AHRR: variants seen among roughly 807,000 people sequenced by gnomAD.
The protein encoded by AHRR is ahR repressor.
AHRR carries 28 observed loss-of-function variants against 44.0 expected under a neutral mutation model. That is an observed-to-expected ratio of 0.64 (90% CI 0.47 to 0.87). The LOEUF is 0.87. Among genes scored for constraint, AHRR ranks in the 40% least tolerant of loss-of-function variants. The pLI, the probability that AHRR is intolerant of heterozygous loss-of-function variation, is 0.00. For missense variants in AHRR, 990 were observed against 953.9 expected (o/e 1.04, Z -0.50); for synonymous variants, 434 against 407.0 (o/e 1.07, Z -0.80).
intron 3 of AHRR, among the ~76,000 whole-genome samples, chr5:373,852 G>A (rs963085929): frequency 2.0e-5 from 3 of 150,526 alleles, no homozygotes; most frequent in African/African-American, 7.3e-5. Context: ...CCGGGCGGGC[G>A]GGGGCGGGAG....
intron 5 of AHRR, among the ~76,000 whole-genome samples, chr5:414,509 C>G (rs901685333): frequency 1.3e-5 from 2 of 152,092 alleles, no homozygotes; most frequent in Non-Finnish European, 2.9e-5. Flanking sequence ...CTTCCACAAG[C>G]CACTCCCACA....
chr5:371,307 A>G (rs1330811008), intron 3 of AHRR, among the ~76,000 whole-genome samples: 2 of 152,270 alleles, frequency 1.3e-5, no homozygotes, highest in African/African-American at 4.8e-5. Context: ...TAATCGCAGC[A>G]CCCAGTGCTG....
rs779190138 is a variant in AHRR, at chr5:434,608, A to T, written c.1868A>T (p.Asp623Val). ...PAHCACLEPT[D>V]GLPQSEPPHQ... ...CACTGTGCCTGCCTGGAGCCCACAG[A>T]CGGCCTTCCCCAGTCGGAGCCTCCC... Residue 623 changes from aspartate (D) to valine (V), a missense_variant, in exon 11 of 11, where the codon GAC becomes GTC. By Grantham distance (152) the Asp-to-Val change is radical (BLOSUM62 -3). Coordinates refer to ENST00000684583, the MANE Select transcript of AHRR (RefSeq NM_001377236.1). 1 of 1,564,620 alleles carries T rather than the reference A, an allele frequency of 6.4e-7. No homozygotes were observed. The highest frequency in any genetic ancestry group is 1.2e-5 in the South Asian group (1 of 85,652).
intron 2 of AHRR, among the ~76,000 whole-genome samples, chr5:345,216 GTC>G (rs1226849093): frequency 1.9e-5 from 2 of 105,270 alleles, no homozygotes; most frequent in Non-Finnish European, 4.1e-5. Flanking sequence ...GTGTGTGTGT[GTC>G]GGATGATGTC....
intron 3 of AHRR, among the ~76,000 whole-genome samples, chr5:368,878 A>G (rs1743466858): frequency 6.6e-6 from 1 of 152,192 alleles, no homozygotes; most frequent in African/African-American, 2.4e-5. Flanking sequence ...GAAGTGTGAA[A>G]TCTCTGAAGC....
In AHRR at chr5:404,422, C is replaced by T. The variant is rs891406023; in HGVS notation, c.352-8922C>T. 1 of 538,132 alleles carries T rather than the reference C, an allele frequency of 1.9e-6. No homozygotes were observed. Among genetic ancestry groups the T allele is most frequent in the Admixed American group, 2.0e-5 (1 of 50,912 alleles). 33.3% of individuals were successfully genotyped at this position (538,132 alleles called of 1,614,324 possible). On this transcript the variant is annotated intron_variant, in intron 4 of 10. Coordinates refer to ENST00000684583, the MANE Select transcript of AHRR (RefSeq NM_001377236.1). This position sits in a 1 kb window ranked among gnomAD's most constrained non-coding sequence, Gnocchi z 4.1. ...TGATTTAGGAAGGAGAGTCTTGGGG[C>T]AGAAGCAACAGGGGACCACTGTGCT...
chr5:373,972 G>A (rs1057063852), intron 3 of AHRR, among the ~76,000 whole-genome samples: 15 of 151,796 alleles, frequency 9.9e-5, no homozygotes, highest in Admixed American at 2.0e-4. Flanking sequence ...GCGATGCCGG[G>A]AGGGGCGCGC....
chr5:433,952 G>C lies in AHRR; in HGVS notation c.1212G>C (p.Ala404=). The change falls in exon 11 of 11, where the codon GCG becomes GCC. Residue 404 remains alanine, a synonymous_variant. Transcript: ENST00000684583. The part of the protein sequence containing the change: ...PGPTKPLPWT[A]GKHSEDGARP... ...CCACAAAGCCCCTGCCCTGGACAGC[G>C]GGAAAGCACAGTGAGGATGGTGCCA... 1 of 1,551,670 alleles carries C rather than the reference G, an allele frequency of 6.4e-7. No homozygotes were observed. Among genetic ancestry groups the C allele is most frequent in the Non-Finnish European group, 8.7e-7 (1 of 1,148,470 alleles).
chr5:418,243 C>T (rs898259112), intron 5 of AHRR, among the ~76,000 whole-genome samples: 5 of 152,146 alleles, frequency 3.3e-5, no homozygotes, highest in Non-Finnish European at 2.9e-5. Flanking sequence ...TGTTTTTGTA[C>T]GGTTTGGATA....
At chr5:373,915 CTGCGG>C (rs1743673872) in intron 3 of AHRR, among the ~76,000 whole-genome samples, 4 of 150,982 alleles carry the variant, frequency 2.6e-5, no homozygotes, top group African/African-American at 9.7e-5. Flanking sequence ...GCGCCGGCGG[CTGCGG>C]GGGAAGTAGG....
At position 404,299 on chromosome 5, in the gene AHRR, C is replaced by T; in HGVS notation, c.352-9045C>T. The T allele has an allele frequency of 2.0e-6, 1 of 490,612 alleles. No homozygotes were observed. Among genetic ancestry groups the T allele is most frequent in the Admixed American group, 2.4e-5 (1 of 42,040 alleles). The allele number at this position is 490,612 out of a possible 1,614,324, so 30.4% of individuals were successfully genotyped here. A position where few individuals can be genotyped will look rare whatever the true frequency, so the allele number is the denominator to read the frequency against. On this transcript the variant is annotated intron_variant, in intron 4 of 10. Coordinates refer to ENST00000684583, the MANE Select transcript of AHRR (RefSeq NM_001377236.1). The surrounding 1 kb of genome is among the most constrained non-coding windows in gnomAD (Gnocchi z 4.1). Reference sequence around the variant, plus strand: ...TCTCATCAAACATGTGAATAATTCGCTAATTTTTCTTCCAGTGTTACTAAA... The same window carrying T: ...TCTCATCAAACATGTGAATAATTCGTTAATTTTTCTTCCAGTGTTACTAAA...
intron 5 of AHRR, 123 bp downstream of exon 5, chr5:413,556 T>G: frequency 8.3e-6 from 6 of 720,386 alleles, no homozygotes; most frequent in Non-Finnish European, 1.4e-5. Context: ...ACTGAGCTCT[T>G]ATCAGATAAA....
chr5:353,916 G>C lies in AHRR; in HGVS notation c.244+5G>C, dbSNP rs553748816. The C allele has an allele frequency of 6.2e-6, 10 of 1,610,982 alleles. No individual in the cohort carries two copies. Among genetic ancestry groups the C allele is most frequent in the African/African-American group, 2.7e-5 (2 of 74,936 alleles). On this transcript the variant is annotated splice_donor_5th_base_variant and intron_variant, in intron 3 of 10. Transcript: ENST00000684583. Reference sequence around the variant, plus strand: ...GGGTGAAGAGCTTCTTCCAAGGTAGGACTCTCACCTGCTCCCACCTGTTCA... The same window carrying C: ...GGGTGAAGAGCTTCTTCCAAGGTAGCACTCTCACCTGCTCCCACCTGTTCA...
At chr5:322,270 G>A (rs1428009840) in intron 1 of AHRR, among the ~76,000 whole-genome samples, 3 of 152,284 alleles carry the variant, frequency 2.0e-5, no homozygotes, top group East Asian at 3.9e-4. Flanking sequence ...CTTATTTTGA[G>A]CGGCCAGAAT....
intron 1 of AHRR, among the ~76,000 whole-genome samples, chr5:340,007 T>C (rs1742274514): frequency 6.6e-6 from 1 of 152,224 alleles, no homozygotes; most frequent in Non-Finnish European, 1.5e-5. Flanking sequence ...GGTCTTTAGT[T>C]TTCTTTTCGT....
Position 359,681 on chromosome 5 carries a change from C to T in AHRR, c.244+5770C>T, listed in dbSNP as rs568190191. ...CTTGTTCCTTTGCATCCACCGTGCT[C>T]CACTGTGGGGCCTGAACACACACCT... On this transcript the variant is annotated intron_variant, in intron 3 of 10. Transcript: ENST00000684583. Among the ~76,000 whole-genome samples, 16 of 152,272 alleles carry T rather than the reference C, an allele frequency of 1.1e-4. No homozygotes were observed. The South Asian group carries it at 3.3e-3, about 32-fold the overall frequency.
chr5:326,469 T>G lies in AHRR; in HGVS notation c.-11+4650T>G, dbSNP rs948847765. On this transcript the variant is annotated intron_variant, in intron 1 of 10. Coordinates refer to ENST00000684583, the MANE Select transcript of AHRR (RefSeq NM_001377236.1). This position sits in a 1 kb window ranked among gnomAD's most constrained non-coding sequence, Gnocchi z 4.1. ...TATTTCATCTTATGAAGATACCACA[T>G]TCTGTTTACTGATCCCTCAGCTGAT... Among the ~76,000 whole-genome samples, 20 of 152,246 alleles carry G rather than the reference T, an allele frequency of 1.3e-4. No homozygotes were observed. The highest frequency in any genetic ancestry group is 4.4e-5 in the Non-Finnish European group (3 of 68,042).
rs1325416944 is a variant in AHRR, at chr5:345,263, G to A, written c.62+1299G>A. Among the ~76,000 whole-genome samples the A allele has an allele frequency of 1.1e-4, 11 of 96,750 alleles. No homozygotes were observed. The East Asian group carries it at 3.3e-3, about 29-fold the overall frequency. The allele number at this position is 96,750 out of a possible 152,430, so 63.5% of individuals were successfully genotyped here. ...GTGTGGGGATGTGTGTGTGGGGAGA[G>A]GGGTGGGTGGGTGTGTGTGTCGGAT... On this transcript the variant is annotated intron_variant, in intron 2 of 10. Coordinates refer to ENST00000684583, the MANE Select transcript of AHRR (RefSeq NM_001377236.1).
At chr5:352,016 A>G (rs1742873875) in intron 2 of AHRR, among the ~76,000 whole-genome samples, 1 of 152,250 alleles carries the variant, frequency 6.6e-6, no homozygotes, top group African/African-American at 2.4e-5. Context: ...TTAGTGTGGA[A>G]AGTCAGGTGG....
Sources: allele counts gnomAD v4.1 joint callset (sites outside exome capture counted in the v4.1 genomes callset), GRCh38; gene constraint gnomAD v4.1.1; non-coding constraint Gnocchi (gnomAD v3.1); transcripts MANE v1.5; gene names NCBI Gene and HGNC (gene_info 2026-07-23, HGNC 2026-07-21).